SP110: variants seen among roughly 807,000 people sequenced by gnomAD.
SP110 encodes the protein interferon-induced protein 41, 30kD.
Under a neutral mutation model 92.7 loss-of-function variants are expected in SP110, and 62 were observed. The ratio of observed to expected loss-of-function variants is 0.67; its 90% confidence interval spans 0.55 to 0.83. The LOEUF (loss-of-function observed/expected upper bound fraction) is 0.83, where lower values mean the gene tolerates loss of function less well. Ranked by LOEUF, SP110 falls within the 40% of genes least tolerant of loss-of-function variation. The pLI is 0.00. For synonymous variants in SP110, 273 were observed against 305.3 expected, an observed-to-expected ratio of 0.89 and a Z score of 1.10; for missense variants, 793 against 863.9, an observed-to-expected ratio of 0.92 and a Z score of 1.03.
At chr2:230,173,632 A>C (rs2041714916) in intron 14 of SP110, 1 of 152,898 alleles carries the variant, frequency 6.5e-6, no homozygotes. Flanking sequence ...ATTTAGAGAA[A>C]GGGTGATTAT....
chr2:230,187,744 A>G (rs762890007), intron 10 of SP110, among the ~76,000 whole-genome samples: 1 of 152,184 alleles, frequency 6.6e-6, no homozygotes, highest in Non-Finnish European at 1.5e-5. Flanking sequence ...TTTATTAAAT[A>G]TGGTGTCATT....
At chr2:230,177,301 C>A in intron 14 of SP110, 1 of 551,702 alleles carries the variant, frequency 1.8e-6, no homozygotes, top group Non-Finnish European at 3.2e-6. Context: ...CACCTCAAAG[C>A]CCTTTGCCGG....
chr2:230,221,131 A>T (rs1559190446), upstream of SP110, among the ~76,000 whole-genome samples: 1 of 151,788 alleles, frequency 6.6e-6, no homozygotes, highest in Non-Finnish European at 1.5e-5. Context: ...AAATACAAAA[A>T]TTAGCCAGAT....
rs1278130391 is a variant in SP110 at position 230,200,750 on chromosome 2, A to G, written c.1129+135T>C. 5 of 735,426 alleles carry G rather than the reference A, an allele frequency of 6.8e-6. No homozygotes were observed. In the East Asian group the frequency reaches 1.3e-4, roughly 19 times the overall value. 45.6% of individuals were successfully genotyped at this position (735,426 alleles called of 1,614,324 possible). A position where few individuals can be genotyped will look rare whatever the true frequency, so the allele number is the denominator to read the frequency against. On this transcript the variant is annotated intron_variant, in intron 10 of 18. Transcript: ENST00000258381. ...TCATGGGAAGGGTCTTGATTAAGAA[A>G]AAAAAATCCAGAAGGGCTCTCTAGC...
At chr2:230,180,195 A>G (rs1179179388) in intron 12 of SP110, among the ~76,000 whole-genome samples, 1 of 152,244 alleles carries the variant, frequency 6.6e-6, no homozygotes, top group Non-Finnish European at 1.5e-5. Flanking sequence ...TAGAGAACAG[A>G]GAGCTCAGGG....
At chr2:230,176,915 T>G (rs530247506) in intron 14 of SP110, among the ~76,000 whole-genome samples, 43 of 152,282 alleles carry the variant, frequency 2.8e-4, no homozygotes, top group African/African-American at 1.0e-3. Flanking sequence ...AGTGATAAAA[T>G]CACTTTTTCC....
intron 12 of SP110, among the ~76,000 whole-genome samples, chr2:230,179,487 G>A (rs2042028224): frequency 7.2e-6 from 1 of 139,622 alleles, no homozygotes; most frequent in Non-Finnish European, 1.6e-5. Flanking sequence ...AGACTGGGGG[G>A]CAGGGAGGAG....
At chr2:230,223,123 G>A (rs2045959963), upstream of SP110, among the ~76,000 whole-genome samples, 1 of 150,330 alleles carries the variant, frequency 6.7e-6, no homozygotes, top group South Asian at 2.1e-4. Flanking sequence ...TGCAACCTCC[G>A]CCTCCCAGGT....
intron 3 of SP110, among the ~76,000 whole-genome samples, 184 bp downstream of exon 3, chr2:230,214,766 G>A (rs1036251764): frequency 3.9e-5 from 6 of 152,172 alleles, no homozygotes; most frequent in African/African-American, 1.4e-4. Flanking sequence ...GTTCATCTTA[G>A]AGAGTTGGGA....
intron 10 of SP110, among the ~76,000 whole-genome samples, chr2:230,190,396 T>C (rs1044930751): frequency 2.0e-5 from 3 of 152,132 alleles, no homozygotes; most frequent in African/African-American, 7.2e-5. Context: ...CATTTTTTGA[T>C]GGAGTTGTTT....
At chr2:230,195,002 G>A (rs1269110835) in intron 10 of SP110, among the ~76,000 whole-genome samples, 1 of 152,020 alleles carries the variant, frequency 6.6e-6, no homozygotes, top group Non-Finnish European at 1.5e-5. Flanking sequence ...TGAGGGGCCT[G>A]ATAAACACCA....
rs374852488 is a variant in SP110, at chr2:230,211,275, C to G, written c.751+195G>C. Among the ~76,000 whole-genome samples the G allele has an allele frequency of 3.3e-5, 5 of 152,294 alleles. No individual in the cohort carries two copies. The highest frequency in any genetic ancestry group is 1.2e-4 in the African/African-American group (5 of 41,568). ...TCCAGACTTGCCTCCTTTGCCCTCCCCCAGGGACTCTGTATCCATTCAGAG... is the reference window on the plus strand; with the variant it reads ...TCCAGACTTGCCTCCTTTGCCCTCCGCCAGGGACTCTGTATCCATTCAGAG... On this transcript the variant is annotated intron_variant, in intron 6 of 18. Coordinates refer to ENST00000258381, the MANE Select transcript of SP110 (RefSeq NM_080424.4). This position sits in a 1 kb window ranked among gnomAD's most constrained non-coding sequence, Gnocchi z 4.2.
chr2:230,200,978 A>C lies in SP110; in HGVS notation c.1049-13T>G. ...CCATCAATGATCTCTGGAAAATGAA[A>C]GATCTTAGTAAATGCCCCTTGGGAA... On this transcript the variant is annotated splice_polypyrimidine_tract_variant and intron_variant, in intron 9 of 18. Coordinates refer to ENST00000258381, the MANE Select transcript of SP110 (RefSeq NM_080424.4). The C allele has an allele frequency of 6.2e-7, 1 of 1,602,306 alleles. No homozygotes were observed. The highest frequency in any genetic ancestry group is 8.6e-7 in the Non-Finnish European group (1 of 1,169,222).
intron 3 of SP110, 147 bp downstream of exon 3, chr2:230,214,803 C>T: frequency 1.4e-6 from 1 of 703,340 alleles, no homozygotes; most frequent in Admixed American, 2.1e-5. Flanking sequence ...GCTGCTCCTG[C>T]AGCTGTACCA....
chr2:230,202,968 A>T, intron 8 of SP110: 1 of 549,716 alleles, frequency 1.8e-6, no homozygotes, highest in Non-Finnish European at 3.3e-6. Context: ...TGTTGCAATC[A>T]ACTAGATAAA....
rs200563150 is a variant in SP110 at position 230,216,859 on chromosome 2, G to A, written c.69C>T (p.Ile23=). The A allele has an allele frequency of 1.1e-4, 177 of 1,613,868 alleles. No homozygotes were observed. Among genetic ancestry groups the A allele is most frequent in the Non-Finnish European group, 1.4e-4 (166 of 1,179,892 alleles). ...FQHFMHQKLG[I]AYAIHKPFPF... is the part of the protein sequence containing the mutation. The stretch of plus-strand genomic sequence containing the variant: ...GAAATGGCTTGTGTATGGCATAGGC[G>A]ATCCCCAGCTTCTGGTGCATGAAGT... The change falls in exon 2 of 19, where the codon ATC becomes ATT. Residue 23 remains isoleucine, a synonymous_variant. Coordinates refer to ENST00000258381, the MANE Select transcript of SP110 (RefSeq NM_080424.4).
intron 11 of SP110, among the ~76,000 whole-genome samples, chr2:230,185,254 G>A (rs377196211): frequency 2.0e-5 from 3 of 152,250 alleles, no homozygotes; most frequent in Middle Eastern, 3.4e-3. Context: ...CTCTAACTTG[G>A]GTCCACATTT....
intron 10 of SP110, among the ~76,000 whole-genome samples, chr2:230,190,614 A>G (rs1028604295): frequency 1.3e-5 from 2 of 152,028 alleles, no homozygotes; most frequent in Non-Finnish European, 2.9e-5. Flanking sequence ...TGGCTTTTTT[A>G]TCATGAAGAC....
intron 7 of SP110, among the ~76,000 whole-genome samples, chr2:230,209,000 A>G (rs1234687748): frequency 6.6e-6 from 1 of 152,248 alleles, no homozygotes; most frequent in Non-Finnish European, 1.5e-5. Flanking sequence ...CTGGTGATCC[A>G]AATGAGGTTG....
Sources: gnomAD v4.1 joint callset for allele counts (sites outside exome capture counted in the v4.1 genomes callset) on GRCh38, gnomAD v4.1.1 for gene constraint, Gnocchi (gnomAD v3.1) non-coding constraint, MANE v1.5 for transcripts, NCBI Gene and HGNC (gene_info 2026-07-23, HGNC 2026-07-21) for gene names.